Variants in NOL4 observed in about 807,000 individuals in gnomAD.
NOL4 encodes the protein cancer/testis antigen 125.
A neutral mutation model predicts 75.9 loss-of-function variants in NOL4; 17 were observed. The ratio of observed to expected loss-of-function variants is 0.22; its 90% CI spans 0.15 to 0.34. The LOEUF is 0.34. Ranked by LOEUF, NOL4 falls within the 10% of genes least tolerant of loss-of-function variation. NOL4 has a pLI of 1.00. For synonymous variants in NOL4, 292 were observed against 289.9 expected (o/e 1.01, Z -0.07); for missense variants, 614 against 793.5 (o/e 0.77, Z 2.72).
chr18:33,900,981 A>AATGAG (rs1271692135), intron 9 of NOL4, among the ~76,000 whole-genome samples: 1 of 152,194 alleles, frequency 6.6e-6, no homozygotes, highest in African/African-American at 2.4e-5. Context: ...TTTATAAGTA[A>AATGAG]ATGAGTACTT....
chr18:34,047,359 G>A (rs997980097), intron 5 of NOL4, among the ~76,000 whole-genome samples: 2 of 151,968 alleles, frequency 1.3e-5, no homozygotes, highest in Admixed American at 6.6e-5. Flanking sequence ...TTACACAGGG[G>A]AAACAATCCC....
intron 6 of NOL4, among the ~76,000 whole-genome samples, chr18:33,995,414 A>G (rs2073205369): frequency 6.6e-6 from 1 of 151,706 alleles, no homozygotes; most frequent in Non-Finnish European, 1.5e-5. Context: ...TACCTATTAT[A>G]TGATCTACTA....
chr18:33,942,204 C>T lies in NOL4; in HGVS notation c.1542+861G>A, dbSNP rs968634338. 2.0e-4 allele frequency among the ~76,000 whole-genome samples: 31 copies of T among 152,068 alleles called. No homozygotes were observed. In the South Asian group the frequency reaches 3.5e-3, roughly 17 times the overall value. On this transcript the variant is annotated intron_variant, in intron 9 of 10. Transcript: ENST00000261592. Reference sequence around the variant, plus strand: ...GAACTAACTTACTTTAGTCTTGACTCATCTCATCCTCAATTAGCAATATAA... The same window carrying T: ...GAACTAACTTACTTTAGTCTTGACTTATCTCATCCTCAATTAGCAATATAA...
rs182829905 is a variant in NOL4 at position 34,022,045 on chromosome 18, A to G, written c.773-2444T>C. 1.2e-3 allele frequency among the ~76,000 whole-genome samples: 181 copies of G among 152,058 alleles called. 1 individual carries two copies. The highest frequency in any genetic ancestry group is 4.1e-3 in the African/African-American group (171 of 41,470). ...CTTGAACCTGGGAGGCAGAGGTTGCAGTGAGCTGAAATCGCGCCATTGCAC... is the reference window on the plus strand; with the variant it reads ...CTTGAACCTGGGAGGCAGAGGTTGCGGTGAGCTGAAATCGCGCCATTGCAC... On this transcript the variant is annotated intron_variant, in intron 5 of 10. Transcript: ENST00000261592.
intron 8 of NOL4, among the ~76,000 whole-genome samples, chr18:33,949,327 G>A (rs1014126091): frequency 5.3e-5 from 8 of 152,164 alleles, no homozygotes; most frequent in East Asian, 1.9e-4. Context: ...ACCTGAGTTC[G>A]TCCTGGGCAA....
At chr18:34,074,340 GA>G (rs2077655593) in intron 5 of NOL4, among the ~76,000 whole-genome samples, 1 of 151,390 alleles carries the variant, frequency 6.6e-6, no homozygotes, top group Admixed American at 6.6e-5. Context: ...AAAGTCTAAA[GA>G]AAAGAAAAAT....
rs1388774555 is a variant in NOL4, at chr18:34,223,318, C to T, written c.-65G>A. 4 of 1,564,900 alleles carry T rather than the reference C, an allele frequency of 2.6e-6. No homozygotes were observed. In the African/African-American group the frequency reaches 5.4e-5, roughly 21 times the overall value. On this transcript the variant is annotated 5_prime_UTR_variant, in exon 1 of 11. The change abolishes an upstream ATG in the 5' untranslated region. Coordinates refer to ENST00000261592, the MANE Select transcript of NOL4 (RefSeq NM_003787.5). ...ACTTCGCACCTGTTCACCCTAGGCT[C>T]ATGAAAAATGCAGCCCCGGCCACGT...
chr18:34,041,495 A>G (rs2076138746), intron 5 of NOL4, among the ~76,000 whole-genome samples: 1 of 144,642 alleles, frequency 6.9e-6, no homozygotes, highest in Non-Finnish European at 1.5e-5. Context: ...ATCCATGGGG[A>G]CCTTATTAGC....
intron 2 of NOL4, among the ~76,000 whole-genome samples, chr18:34,119,080 T>TGA (rs1322408810): frequency 6.6e-6 from 1 of 152,216 alleles, no homozygotes; most frequent in Non-Finnish European, 1.5e-5. Flanking sequence ...TGAAAAAGGC[T>TGA]TTAATCAGGA....
At chr18:33,857,277 C>T (rs2062880338) in intron 10 of NOL4, among the ~76,000 whole-genome samples, 1 of 151,948 alleles carries the variant, frequency 6.6e-6, no homozygotes, top group Non-Finnish European at 1.5e-5. Flanking sequence ...GTGGTATGTG[C>T]TCAGAAAATA....
In NOL4 at chr18:33,989,190, C is replaced by CAA. The variant is rs55924436; in HGVS notation, c.1056+30126_1056+30127dup. 1.7e-3 allele frequency among the ~76,000 whole-genome samples: 111 copies of CAA among 65,104 alleles called. 3 individuals carry two copies. Among genetic ancestry groups the CAA allele is most frequent in the East Asian group, 4.4e-3 (8 of 1,830 alleles). 42.7% of individuals were successfully genotyped at this position (65,104 alleles called of 152,430 possible). A position where few individuals can be genotyped will look rare whatever the true frequency, so the allele number is the denominator to read the frequency against. ...GTGACAGAGTGAGACCCCATCTCTA[C>CAA]AAAAAAAAAAAAAAAAAAAAAAAAA... On this transcript the variant is annotated intron_variant, in intron 6 of 10. Transcript: ENST00000261592.
chr18:34,089,913 C>T (rs2078428320), intron 5 of NOL4, among the ~76,000 whole-genome samples: 1 of 151,904 alleles, frequency 6.6e-6, no homozygotes, highest in Non-Finnish European at 1.5e-5. Flanking sequence ...AGGTCCCATG[C>T]CTTTTTTTTT....
At chr18:33,947,245 TCTC>T (rs1341035256) in intron 8 of NOL4, among the ~76,000 whole-genome samples, 1 of 151,900 alleles carries the variant, frequency 6.6e-6, no homozygotes, top group African/African-American at 2.4e-5. Flanking sequence ...CTGAGAATCA[TCTC>T]CTTCTGAACT....
intron 5 of NOL4, among the ~76,000 whole-genome samples, chr18:34,021,187 AAG>A (rs1188934992): frequency 2.0e-5 from 3 of 152,222 alleles, no homozygotes; most frequent in African/African-American, 7.2e-5. Context: ...ACAGATAATT[AAG>A]AGAGACAGAA....
chr18:33,973,974 C>CTTTGAAG (rs1328698844), intron 6 of NOL4, among the ~76,000 whole-genome samples: 1 of 152,154 alleles, frequency 6.6e-6, no homozygotes, highest in African/African-American at 2.4e-5. Flanking sequence ...GTTAGCTTGT[C>CTTTGAAG]CTTTGAAGCT....
intron 5 of NOL4, among the ~76,000 whole-genome samples, chr18:34,059,445 T>C (rs1181681222): frequency 1.3e-5 from 2 of 152,024 alleles, no homozygotes; most frequent in Non-Finnish European, 2.9e-5. Context: ...TAATTCTGAT[T>C]TTTTTTCTTA....
chr18:33,853,803 A>G (rs953257943), intron 10 of NOL4, among the ~76,000 whole-genome samples: 2 of 152,102 alleles, frequency 1.3e-5, no homozygotes, highest in African/African-American at 4.8e-5. Context: ...AAACACATTC[A>G]TGTGCCGAAA....
At chr18:33,894,165 C>A (rs1167418798) in intron 9 of NOL4, among the ~76,000 whole-genome samples, 1 of 152,026 alleles carries the variant, frequency 6.6e-6, no homozygotes, top group East Asian at 1.9e-4. Flanking sequence ...TGTTCCAGAA[C>A]TAAGTAAATT....
chr18:34,003,372 A>T (rs2073847746), intron 6 of NOL4, among the ~76,000 whole-genome samples: 1 of 152,074 alleles, frequency 6.6e-6, no homozygotes, highest in Non-Finnish European at 1.5e-5. Context: ...CTGGCATGAT[A>T]TGTGGCATAT....
Sources: allele counts gnomAD v4.1 joint callset (sites outside exome capture counted in the v4.1 genomes callset), GRCh38; gene constraint gnomAD v4.1.1; transcripts MANE v1.5; gene names NCBI Gene and HGNC (gene_info 2026-07-23, HGNC 2026-07-21).